Variants in SLC4A4 observed in about 807,000 individuals in gnomAD.
The protein encoded by SLC4A4 is electrogenic sodium bicarbonate cotransporter 1.
SLC4A4 carries 27 observed loss-of-function variants against 111.5 expected under a neutral mutation model. The observed-to-expected ratio is 0.24, with a 90% CI of 0.18 to 0.33. SLC4A4 has a LOEUF of 0.33. Among genes scored for constraint, SLC4A4 ranks in the 10% least tolerant of loss-of-function variants. The probability of loss-of-function intolerance (pLI) is 1.00; values close to 1 mark genes in which losing one functional copy is unlikely to be tolerated. For synonymous variants in SLC4A4, 443 were observed against 463.4 expected, an observed-to-expected ratio of 0.96 and a Z score of 0.57; for missense variants, 909 against 1,315.5, an observed-to-expected ratio of 0.69 and a Z score of 4.78.
chr4:71,203,206 G>A (rs368782653), intron 1 of SLC4A4, among the ~76,000 whole-genome samples: 1 of 152,076 alleles, frequency 6.6e-6, no homozygotes, highest in African/African-American at 2.4e-5. Context: ...TTTTAAAACT[G>A]TGTATTTAGG....
At chr4:71,090,730 G>A (rs572178150) in intron 1 of SLC4A4, among the ~76,000 whole-genome samples, 67 of 152,286 alleles carry the variant, frequency 4.4e-4, no homozygotes, top group African/African-American at 1.5e-3. Context: ...GGTAGAATGG[G>A]AACCTCTTCA....
At chr4:71,493,117 CA>C (rs912710249) in intron 15 of SLC4A4, among the ~76,000 whole-genome samples, 27 of 151,638 alleles carry the variant, frequency 1.8e-4, no homozygotes, top group African/African-American at 6.5e-4. Flanking sequence ...ACTGTTAACT[CA>C]AAATATTCTA....
At chr4:71,378,692 G>A (rs1717785980) in intron 6 of SLC4A4, among the ~76,000 whole-genome samples, 1 of 152,184 alleles carries the variant, frequency 6.6e-6, no homozygotes, top group Non-Finnish European at 1.5e-5. Context: ...CAATTTCAAA[G>A]TTAATAATGA....
intron 2 of SLC4A4, among the ~76,000 whole-genome samples, chr4:71,106,829 C>T (rs1400495562): frequency 2.8e-5 from 4 of 144,364 alleles, no homozygotes; most frequent in African/African-American, 5.1e-5. Context: ...TGCTAGATGA[C>T]GAGTTAGTGG....
intron 7 of SLC4A4, among the ~76,000 whole-genome samples, chr4:71,412,850 G>A (rs1721479387): frequency 6.6e-6 from 1 of 152,120 alleles, no homozygotes; most frequent in South Asian, 2.1e-4. Context: ...TCACTGGGTG[G>A]GGTATTATAA....
intron 7 of SLC4A4, among the ~76,000 whole-genome samples, chr4:71,400,797 A>G (rs1265731110): frequency 6.6e-6 from 1 of 152,210 alleles, no homozygotes; most frequent in Non-Finnish European, 1.5e-5. Flanking sequence ...TGCAAGTAAG[A>G]TGAAGCTGTG....
intron 6 of SLC4A4, among the ~76,000 whole-genome samples, chr4:71,387,876 A>T (rs1341424577): frequency 1.3e-5 from 2 of 152,046 alleles, no homozygotes; most frequent in Non-Finnish European, 1.5e-5. Context: ...TATGTCTTGG[A>T]GCTGATGTCT....
intron 3 of SLC4A4, among the ~76,000 whole-genome samples, chr4:71,265,794 C>T (rs1027374429): frequency 1.3e-5 from 2 of 152,102 alleles, no homozygotes; most frequent in African/African-American, 4.8e-5. Context: ...GTTTTAGACT[C>T]ATCTCTACCA....
intron 7 of SLC4A4, among the ~76,000 whole-genome samples, chr4:71,426,849 T>C (rs1358841063): frequency 3.3e-5 from 5 of 152,170 alleles, no homozygotes; most frequent in Admixed American, 3.3e-4. Context: ...CTATAACTTC[T>C]AATCTTTATA....
intron 1 of SLC4A4, among the ~76,000 whole-genome samples, chr4:71,227,351 A>G (rs1719116813): frequency 6.6e-6 from 1 of 152,186 alleles, no homozygotes; most frequent in Non-Finnish European, 1.5e-5. Context: ...TAATGAAGAA[A>G]CACTGAAGGC....
chr4:71,066,403 T>C (rs973164886), intron 1 of SLC4A4, among the ~76,000 whole-genome samples: 2 of 152,206 alleles, frequency 1.3e-5, no homozygotes, highest in African/African-American at 4.8e-5. Flanking sequence ...GCTATGACTT[T>C]CAAATTTGAT....
intron 12 of SLC4A4, among the ~76,000 whole-genome samples, chr4:71,462,091 A>G (rs1281284670): frequency 6.6e-6 from 1 of 152,122 alleles, no homozygotes; most frequent in Non-Finnish European, 1.5e-5. Context: ...TTCGTCTCTT[A>G]AAGGAAAGAG....
At chr4:71,390,833 A>T (rs1249072221) in intron 6 of SLC4A4, among the ~76,000 whole-genome samples, 1 of 152,132 alleles carries the variant, frequency 6.6e-6, no homozygotes, top group Non-Finnish European at 1.5e-5. Context: ...TGTTTACATT[A>T]TGGTTTTACC....
At chr4:71,201,372 C>T (rs1219961089) in intron 1 of SLC4A4, among the ~76,000 whole-genome samples, 8 of 152,140 alleles carry the variant, frequency 5.3e-5, no homozygotes, top group South Asian at 2.1e-4. Flanking sequence ...TTGGGTCAGA[C>T]GGCTCTCTTT....
chr4:71,148,960 T>C (rs145984268), intron 2 of SLC4A4, among the ~76,000 whole-genome samples: 11 of 152,306 alleles, frequency 7.2e-5, no homozygotes, highest in Non-Finnish European at 1.2e-4. Flanking sequence ...CTTTGAGGAA[T>C]TGCCACAGTG....
intron 2 of SLC4A4, among the ~76,000 whole-genome samples, chr4:71,157,121 A>G (rs1375566590): frequency 6.6e-6 from 1 of 152,186 alleles, no homozygotes; most frequent in Non-Finnish European, 1.5e-5. Flanking sequence ...ACCTGCAATT[A>G]TGGAAGGTCT....
chr4:71,257,792 CA>C (rs780915823), intron 3 of SLC4A4, among the ~76,000 whole-genome samples: 1 of 152,152 alleles, frequency 6.6e-6, no homozygotes, highest in Non-Finnish European at 1.5e-5. Flanking sequence ...CTGAGAAAAA[CA>C]AAAACCAAAA....
intron 3 of SLC4A4, among the ~76,000 whole-genome samples, chr4:71,268,675 G>A (rs1336988215): frequency 1.3e-5 from 2 of 152,132 alleles, no homozygotes; most frequent in African/African-American, 4.8e-5. Context: ...ATCAGAAAAG[G>A]TCTCAGGAGG....
At chr4:71,378,349 G>A (rs138054614) in intron 6 of SLC4A4, among the ~76,000 whole-genome samples, 65 of 152,280 alleles carry the variant, frequency 4.3e-4, no homozygotes, top group African/African-American at 1.5e-3. Flanking sequence ...TGAAGTTATG[G>A]AAGGCCACTG....
Sources: gnomAD v4.1 joint callset for allele counts (sites outside exome capture counted in the v4.1 genomes callset) on GRCh38, gnomAD v4.1.1 for gene constraint, MANE v1.5 for transcripts, NCBI Gene and HGNC (gene_info 2026-07-23, HGNC 2026-07-21) for gene names.